The following CEP120 variants were observed in gnomAD, a reference collection of about 807,000 sequenced individuals.
CEP120 encodes centrosomal protein 120.
CEP120 carries 113 observed loss-of-function variants against 126.5 expected under a neutral mutation model. The ratio of observed to expected loss-of-function variants is 0.89; its 90% confidence interval spans 0.77 to 1.04. The LOEUF is 1.04. Ranked by LOEUF, CEP120 falls within the 50% of genes least tolerant of loss-of-function variation. CEP120 has a pLI of 0.00. For synonymous variants in CEP120, 400 were observed against 394.3 expected, an observed-to-expected ratio of 1.01 and a Z score of -0.17; for missense variants, 1,230 against 1,155.7, an observed-to-expected ratio of 1.06 and a Z score of -0.93.
At position 123,346,685 on chromosome 5, in the gene CEP120, G is replaced by A; in HGVS notation, c.2795C>T (p.Pro932Leu). The stretch of plus-strand genomic sequence containing the variant: ...ACCTTCTTCCAATACACTGCCATGG[G>A]GGCCATCCTTTTTTCCACTTGCAAT... ...TEIASGKKDG[P>L]HGSVLEEGLD... Residue 932 changes from proline (P) to leucine (L), a missense_variant, in exon 20 of 20, where the codon CCC (proline) becomes CTC (leucine). Coordinates refer to ENST00000306467, the MANE Select transcript of CEP120 (RefSeq NM_001375405.1). The A allele has an allele frequency of 6.2e-7, 1 of 1,613,354 alleles. No individual in the cohort carries two copies. The highest frequency in any genetic ancestry group is 8.5e-7 in the Non-Finnish European group (1 of 1,179,816).
chr5:123,367,948 T>C (rs950707387), intron 17 of CEP120, among the ~76,000 whole-genome samples: 3 of 151,894 alleles, frequency 2.0e-5, no homozygotes, highest in African/African-American at 7.2e-5. Context: ...GATTCTGCCC[T>C]CTTCTGGCTC....
chr5:123,415,083 A>AG (rs1774299325), intron 3 of CEP120, among the ~76,000 whole-genome samples: 1 of 146,626 alleles, frequency 6.8e-6, no homozygotes, highest in Non-Finnish European at 1.5e-5. Flanking sequence ...TCTTGGGAGT[A>AG]GGGGGGCAGA....
chr5:123,369,723 G>A (rs538230445), intron 17 of CEP120, among the ~76,000 whole-genome samples: 2 of 151,952 alleles, frequency 1.3e-5, no homozygotes, highest in Non-Finnish European at 2.9e-5. Context: ...CTTATGTGGG[G>A]TGGTATCTAT....
chr5:123,350,179 C>T, intron 18 of CEP120, 90 bp from the exon 19 acceptor site: 1 of 1,195,804 alleles, frequency 8.4e-7, no homozygotes, highest in Non-Finnish European at 1.2e-6. Context: ...TCCTATTTGA[C>T]AACACCCATG....
chr5:123,349,390 T>G (rs1769048615), intron 19 of CEP120, among the ~76,000 whole-genome samples: 1 of 152,094 alleles, frequency 6.6e-6, no homozygotes. Flanking sequence ...TTAAAACAGC[T>G]CCTGGCACAA....
intron 15 of CEP120, among the ~76,000 whole-genome samples, chr5:123,377,838 A>G (rs751407722): frequency 3.3e-5 from 5 of 152,134 alleles, no homozygotes; most frequent in Non-Finnish European, 7.4e-5. Flanking sequence ...AAATATGCCC[A>G]AGTTTCTTTT....
chr5:123,423,321 G>A lies in CEP120; in HGVS notation c.-323C>T, dbSNP rs1443241561. 2.2e-5 allele frequency: 8 copies of A among 357,564 alleles called. No homozygotes were observed. In the South Asian group the frequency reaches 2.3e-4, roughly 10 times the overall value. 22.1% of individuals were successfully genotyped at this position (357,564 alleles called of 1,614,324 possible). ...TAGCCGCTTTTCAAACGCCCGGGCGGCCGCAGCGGCCGCCGCCGCGCCCAG... is the reference window on the plus strand; with the variant it reads ...TAGCCGCTTTTCAAACGCCCGGGCGACCGCAGCGGCCGCCGCCGCGCCCAG... On this transcript the variant is annotated 5_prime_UTR_variant, in exon 1 of 20. Transcript: ENST00000306467.
chr5:123,374,507 G>A (rs1562025547), intron 16 of CEP120, among the ~76,000 whole-genome samples: 1 of 151,916 alleles, frequency 6.6e-6, no homozygotes, highest in African/African-American at 2.4e-5. Context: ...AACAAAGATT[G>A]CTAAAGATGT....
intron 14 of CEP120, among the ~76,000 whole-genome samples, chr5:123,378,781 C>G (rs1771438592): frequency 6.6e-6 from 1 of 151,970 alleles, no homozygotes; most frequent in African/African-American, 2.4e-5. Context: ...GTGTAAGCAA[C>G]TAAATAGCCA....
In CEP120 at chr5:123,391,178, T is replaced by C; in HGVS notation, c.970A>G (p.Ile324Val). 1 of 1,614,174 alleles carries C rather than the reference T, an allele frequency of 6.2e-7. No individual in the cohort carries two copies. Among genetic ancestry groups the C allele is most frequent in the Non-Finnish European group, 8.5e-7 (1 of 1,180,030 alleles). The change falls in exon 7 of 20, where the codon ATT becomes GTT. Residue 324 changes from isoleucine to valine, a missense_variant. Coordinates refer to ENST00000306467, the MANE Select transcript of CEP120 (RefSeq NM_001375405.1). ...PNRAKQKLAPIPVELAPTVGV... is the reference protein window; with the variant it reads ...PNRAKQKLAPVPVELAPTVGV... ...ACAGTTGGGGCTAGCTCCACAGGAA[T>C]AGGTGCAAGCTTCTGTTTGGCTCTG... is the stretch of plus-strand genomic sequence containing the variant.
chr5:123,412,367 T>C (rs557334498), intron 4 of CEP120, 32 bp downstream of exon 4: 2 of 1,579,634 alleles, frequency 1.3e-6, no homozygotes, highest in African/African-American at 1.4e-5. Flanking sequence ...ATGGAACTTC[T>C]CAGAGAATGT....
intron 16 of CEP120, among the ~76,000 whole-genome samples, chr5:123,373,641 A>G (rs1771012579): frequency 6.6e-6 from 1 of 152,094 alleles, no homozygotes; most frequent in African/African-American, 2.4e-5. Flanking sequence ...AGATGGAAGG[A>G]TGACATCTTT....
At chr5:123,415,909 G>T in intron 3 of CEP120, 101 bp downstream of exon 3, 1 of 733,328 alleles carries the variant, frequency 1.4e-6, no homozygotes, top group Non-Finnish European at 2.3e-6. Context: ...GTCTATGACT[G>T]ATCAGGTCTA....
At chr5:123,418,130 T>G (rs950996984) in intron 2 of CEP120, among the ~76,000 whole-genome samples, 1 of 152,156 alleles carries the variant, frequency 6.6e-6, no homozygotes, top group African/African-American at 2.4e-5. Flanking sequence ...TTATGAAAAT[T>G]TATTTAAAAT....
chr5:123,364,467 A>G, intron 18 of CEP120, 29 bp downstream of exon 18: 1 of 1,443,292 alleles, frequency 6.9e-7, no homozygotes, highest in Non-Finnish European at 9.6e-7. Flanking sequence ...GGAAAAAGAT[A>G]TAAAAAGAAT....
intron 18 of CEP120, among the ~76,000 whole-genome samples, chr5:123,355,489 G>GAGAT (rs1769529055): frequency 6.6e-6 from 1 of 152,016 alleles, no homozygotes; most frequent in East Asian, 1.9e-4. Context: ...TAACTGGTGT[G>GAGAT]AGATAGTATC....
intron 11 of CEP120, among the ~76,000 whole-genome samples, chr5:123,384,304 T>C (rs985639673): frequency 3.3e-5 from 5 of 152,054 alleles, no homozygotes; most frequent in Non-Finnish European, 5.9e-5. Context: ...CTCTTTTTTT[T>C]AGTCTTATCT....
chr5:123,383,455 GT>G lies in CEP120; in HGVS notation c.1764-374del, dbSNP rs562741800. Among the ~76,000 whole-genome samples the G allele has an allele frequency of 1.3e-4, 19 of 151,892 alleles. No individual in the cohort carries two copies. In the South Asian group the frequency reaches 3.9e-3, roughly 32 times the overall value. ...CACACATGCATGCTGACTTCATACA[GT>G]TTTGTCTTGTTTTCCTATTTACATC... On this transcript the variant is annotated intron_variant, in intron 11 of 19. Coordinates refer to ENST00000306467, the MANE Select transcript of CEP120 (RefSeq NM_001375405.1).
At chr5:123,403,620 C>A in intron 4 of CEP120, 1 of 348,938 alleles carries the variant, frequency 2.9e-6, no homozygotes, top group Admixed American at 4.3e-5. Context: ...CAGTTGAGAG[C>A]ACTAACATAC....
Sources: gnomAD v4.1 joint callset for allele counts (sites outside exome capture counted in the v4.1 genomes callset) on GRCh38, gnomAD v4.1.1 for gene constraint, MANE v1.5 for transcripts, NCBI Gene and HGNC (gene_info 2026-07-23, HGNC 2026-07-21) for gene names.